The following GABBR2 variants were observed in gnomAD, a reference collection of about 807,000 sequenced individuals.
GABBR2 encodes G-protein coupled receptor 51.
Under a neutral mutation model 105.6 loss-of-function variants are expected in GABBR2, and 23 were observed. The observed-to-expected ratio is 0.22, with a 90% CI of 0.16 to 0.31. GABBR2 has a LOEUF of 0.31. Ranked by LOEUF, GABBR2 falls within the 10% of genes least tolerant of loss-of-function variation. The probability of loss-of-function intolerance (pLI) is 1.00; values close to 1 mark genes in which losing one functional copy is unlikely to be tolerated. For synonymous variants in GABBR2, 478 were observed against 499.7 expected, an observed-to-expected ratio of 0.96 and a Z score of 0.58; for missense variants, 734 against 1,245.5, an observed-to-expected ratio of 0.59 and a Z score of 6.18.
chr9:98,702,325 GT>G (rs1830840677), intron 1 of GABBR2, among the ~76,000 whole-genome samples: 1 of 151,836 alleles, frequency 6.6e-6, no homozygotes, highest in African/African-American at 2.4e-5. Context: ...CTCCTGCCCT[GT>G]CGGGTCTCAG....
chr9:98,384,105 T>A (rs1441258684), intron 11 of GABBR2, among the ~76,000 whole-genome samples: 1 of 152,186 alleles, frequency 6.6e-6, no homozygotes, highest in Non-Finnish European at 1.5e-5. Flanking sequence ...AGCACCGATC[T>A]TTTGACCATC....
rs1015984972 is a variant in GABBR2 at position 98,652,010 on chromosome 9, T to G, written c.321+56407A>C. Among the ~76,000 whole-genome samples, 5 of 152,298 alleles carry G rather than the reference T, an allele frequency of 3.3e-5. No homozygotes were observed. The South Asian group carries it at 1.0e-3, about 32-fold the overall frequency. On this transcript the variant is annotated intron_variant, in intron 1 of 18. Transcript: ENST00000259455. ...GAGAAGAGGAAATGAATTGGGATAG[T>G]CATAGAACAAGACTGGCCATGAGTG... is the stretch of plus-strand genomic sequence containing the variant.
chr9:98,502,667 C>T (rs1827428236), intron 3 of GABBR2, among the ~76,000 whole-genome samples: 1 of 152,208 alleles, frequency 6.6e-6, no homozygotes, highest in African/African-American at 2.4e-5. Flanking sequence ...TCCTGCCCTC[C>T]ATGGATGCAA....
In GABBR2 at chr9:98,362,377, CT is replaced by C. The variant is rs766523668; in HGVS notation, c.1893+337del. On this transcript the variant is annotated intron_variant, in intron 13 of 18. Coordinates refer to ENST00000259455, the MANE Select transcript of GABBR2 (RefSeq NM_005458.8). ...TCAGAATGTTTACACACTAGTAGCACTTTTTAGGAGATTTACTTTAAAATTG... is the reference window on the plus strand; with the variant it reads ...TCAGAATGTTTACACACTAGTAGCACTTTTAGGAGATTTACTTTAAAATTG... Among the ~76,000 whole-genome samples, 135 of 152,272 alleles carry C rather than the reference CT, an allele frequency of 8.9e-4. 1 individual carries two copies. The highest frequency in any genetic ancestry group is 1.8e-3 in the Non-Finnish European group (120 of 68,028).
At chr9:98,298,776 T>C (rs948404420) in intron 17 of GABBR2, among the ~76,000 whole-genome samples, 1 of 152,184 alleles carries the variant, frequency 6.6e-6, no homozygotes, top group Non-Finnish European at 1.5e-5. Flanking sequence ...TTATTGTAGC[T>C]TGCAATTCCC....
intron 1 of GABBR2, chr9:98,606,740 A>G (rs1023783755): frequency 8.2e-6 from 2 of 245,102 alleles, no homozygotes; most frequent in Non-Finnish European, 1.6e-5. Context: ...TCGGCCCCCC[A>G]AAGTGCTGGG....
At chr9:98,542,718 C>A (rs1481843215) in intron 2 of GABBR2, among the ~76,000 whole-genome samples, 1 of 152,104 alleles carries the variant, frequency 6.6e-6, no homozygotes, top group Non-Finnish European at 1.5e-5. Context: ...GATTAGAGGG[C>A]CAGTCTCACC....
chr9:98,466,717 A>G (rs142690370), intron 6 of GABBR2, among the ~76,000 whole-genome samples: 2 of 152,380 alleles, frequency 1.3e-5, no homozygotes, highest in Non-Finnish European at 2.9e-5. Flanking sequence ...GGGAAAGGTT[A>G]AATGACTTGC....
At chr9:98,562,341 CCTTG>C (rs1828685383) in intron 2 of GABBR2, among the ~76,000 whole-genome samples, 1 of 152,144 alleles carries the variant, frequency 6.6e-6, no homozygotes, top group Non-Finnish European at 1.5e-5. Flanking sequence ...AATGCATGTT[CCTTG>C]CTTGTGTCCA....
Position 98,546,881 on chromosome 9 carries a change from A to G in GABBR2, c.460-4838T>C, listed in dbSNP as rs149809181. On this transcript the variant is annotated intron_variant, in intron 2 of 18. Coordinates refer to ENST00000259455, the MANE Select transcript of GABBR2 (RefSeq NM_005458.8). ...TGGCTATGTGAATTAATCTTGCCTC[A>G]GGTCTCAGCCCGCTGGAGTACTTTT... Among the ~76,000 whole-genome samples, 249 of 101,162 alleles carry G rather than the reference A, an allele frequency of 2.5e-3. 75 individuals are homozygous for G. The highest frequency in any genetic ancestry group is 4.6e-3 in the Non-Finnish European group (205 of 44,460). 66.4% of individuals were successfully genotyped at this position (101,162 alleles called of 152,430 possible).
At chr9:98,434,590 C>T (rs1825868947) in intron 7 of GABBR2, among the ~76,000 whole-genome samples, 1 of 152,160 alleles carries the variant, frequency 6.6e-6, no homozygotes, top group Admixed American at 6.5e-5. Flanking sequence ...TGTGCACAAT[C>T]GGCTCTCAGC....
intron 13 of GABBR2, among the ~76,000 whole-genome samples, chr9:98,318,997 G>A (rs542077344): frequency 2.0e-5 from 3 of 151,766 alleles, no homozygotes; most frequent in Non-Finnish European, 4.4e-5. Context: ...GTTTTGAGAT[G>A]GTTCTCCTTT....
intron 3 of GABBR2, among the ~76,000 whole-genome samples, chr9:98,514,206 A>C (rs1391646487): frequency 7.5e-6 from 1 of 132,572 alleles, no homozygotes; most frequent in African/African-American, 2.7e-5. Flanking sequence ...TTGAACAATG[A>C]GATCACATGG....
Position 98,636,592 on chromosome 9 carries a change from C to G in GABBR2, c.322-58520G>C, listed in dbSNP as rs576116024. 9.6e-5 allele frequency among the ~76,000 whole-genome samples: 13 copies of G among 135,258 alleles called. 1 individual carries two copies. In the East Asian group the frequency reaches 3.3e-3, roughly 34 times the overall value. 88.7% of individuals were successfully genotyped at this position (135,258 alleles called of 152,430 possible). ...CACTGCAACCCCCACCTCCTGGGTT[C>G]AAGCAATTCTCCCGCCTCAGCCTCC... On this transcript the variant is annotated intron_variant, in intron 1 of 18. Coordinates refer to ENST00000259455, the MANE Select transcript of GABBR2 (RefSeq NM_005458.8).
intron 4 of GABBR2, among the ~76,000 whole-genome samples, chr9:98,490,308 CA>C (rs879783239): frequency 2.0e-5 from 3 of 151,240 alleles, no homozygotes; most frequent in Non-Finnish European, 4.4e-5. Flanking sequence ...TGAGTTCTGA[CA>C]AAAAAAAGGA....
intron 3 of GABBR2, among the ~76,000 whole-genome samples, chr9:98,514,706 G>T (rs181489903): frequency 2.3e-3 from 346 of 150,294 alleles, no homozygotes; most frequent in African/African-American, 8.2e-3. Context: ...GCTAAATGAC[G>T]AGTTAATGGG....
chr9:98,626,575 C>G (rs1829740391), intron 1 of GABBR2, among the ~76,000 whole-genome samples: 1 of 152,068 alleles, frequency 6.6e-6, no homozygotes, highest in Admixed American at 6.6e-5. Context: ...TAACTCCATG[C>G]CTCAGTTTCT....
Position 98,629,738 on chromosome 9 carries a change from A to T in GABBR2, c.322-51666T>A, listed in dbSNP as rs1442497360. Among the ~76,000 whole-genome samples, 6 of 152,166 alleles carry T rather than the reference A, an allele frequency of 3.9e-5. 1 individual carries two copies. Among genetic ancestry groups the T allele is most frequent in the African/African-American group, 1.4e-4 (6 of 41,436 alleles). ...ATTGGTTCAGGTGTAAGCCAATGAG[A>T]ACATACAACTCCCAGAAGGATGTGC... On this transcript the variant is annotated intron_variant, in intron 1 of 18. Coordinates refer to ENST00000259455, the MANE Select transcript of GABBR2 (RefSeq NM_005458.8).
chr9:98,408,053 G>GC lies in GABBR2; in HGVS notation c.1237-1913_1237-1912insG, dbSNP rs1183964023. Among the ~76,000 whole-genome samples the GC allele has an allele frequency of 2.0e-5, 3 of 152,112 alleles. No homozygotes were observed. The East Asian group carries it at 5.8e-4, about 29-fold the overall frequency. The stretch of plus-strand genomic sequence containing the variant: ...AATTATGGACCAAGCACAGGTCCTG[G>GC]TACAGGACAGGTGCTCAGCAAATGG... On this transcript the variant is annotated intron_variant, in intron 7 of 18. Coordinates refer to ENST00000259455, the MANE Select transcript of GABBR2 (RefSeq NM_005458.8).
Sources: allele counts gnomAD v4.1 joint callset (sites outside exome capture counted in the v4.1 genomes callset), GRCh38; gene constraint gnomAD v4.1.1; transcripts MANE v1.5; gene names NCBI Gene and HGNC (gene_info 2026-07-23, HGNC 2026-07-21).